The following MYO1D variants were observed in gnomAD, a reference collection of about 807,000 sequenced individuals.
MYO1D encodes myosin ID, also known as unconventional myosin-Id.
Under a neutral mutation model 122.0 loss-of-function variants are expected in MYO1D, and 83 were observed. The ratio of observed to expected loss-of-function variants is 0.68; its 90% CI spans 0.57 to 0.82. The LOEUF (loss-of-function observed/expected upper bound fraction) is 0.82. Among genes scored for constraint, MYO1D ranks in the 40% least tolerant of loss-of-function variants. MYO1D has a pLI of 0.00. For synonymous variants in MYO1D, 464 were observed against 446.9 expected, an observed-to-expected ratio of 1.04 and a Z score of -0.48; for missense variants, 1,157 against 1,269.5, an observed-to-expected ratio of 0.91 and a Z score of 1.35.
chr17:32,656,393 C>T (rs557801981), intron 17 of MYO1D, among the ~76,000 whole-genome samples: 11 of 139,962 alleles, frequency 7.9e-5, no homozygotes, highest in East Asian at 3.0e-4. Flanking sequence ...GATGGGGAAG[C>T]GGCTCACTCA....
At chr17:32,591,645 A>C (rs2087439590) in intron 21 of MYO1D, among the ~76,000 whole-genome samples, 1 of 151,042 alleles carries the variant, frequency 6.6e-6, no homozygotes, top group South Asian at 2.1e-4. Context: ...TCAAAAACAC[A>C]AATCTTTGGT....
intron 14 of MYO1D, among the ~76,000 whole-genome samples, chr17:32,723,028 G>A (rs542322179): frequency 5.3e-5 from 8 of 152,110 alleles, no homozygotes; most frequent in Admixed American, 4.6e-4. Context: ...GTGATGAAAC[G>A]CTGATAAAAC....
At chr17:32,810,647 T>C (rs1318038492) in intron 1 of MYO1D, among the ~76,000 whole-genome samples, 1 of 152,092 alleles carries the variant, frequency 6.6e-6, no homozygotes, top group East Asian at 1.9e-4. Flanking sequence ...CGGCTAATTT[T>C]TATATTTTTA....
intron 3 of MYO1D, 50 bp downstream of exon 3, chr17:32,778,430 A>T (rs1376579071): frequency 6.4e-7 from 1 of 1,557,168 alleles, no homozygotes; most frequent in South Asian, 1.1e-5. Flanking sequence ...CCAAGTCCAT[A>T]GAGAAAACAG....
At position 32,615,520 on chromosome 17, in the gene MYO1D, G is replaced by A. The variant is rs111857678; in HGVS notation, c.2710-10279C>T. 9.9e-3 allele frequency among the ~76,000 whole-genome samples: 1,501 copies of A among 152,300 alleles called. 13 individuals are homozygous for A. Among genetic ancestry groups the A allele is most frequent in the Non-Finnish European group, 0.016 (1,086 of 68,022 alleles). On this transcript the variant is annotated intron_variant, in intron 20 of 21. Transcript: ENST00000318217. The stretch of plus-strand genomic sequence containing the variant: ...GAGGACCTTAATAAAGAATGGTTCT[G>A]CTCTCATGTAAAATTTAGAGGAAAC...
At chr17:32,581,137 A>G (rs2087335070) in intron 21 of MYO1D, among the ~76,000 whole-genome samples, 3 of 152,188 alleles carry the variant, frequency 2.0e-5, no homozygotes, top group Non-Finnish European at 4.4e-5. Flanking sequence ...ACATAGAGCT[A>G]TTCAGGTTAT....
At chr17:32,622,587 T>C (rs72815025) in intron 20 of MYO1D, among the ~76,000 whole-genome samples, 8,738 of 152,178 alleles carry the variant, frequency 0.057, 366 homozygotes, top group East Asian at 0.2. Context: ...AAGTTATATT[T>C]GGGCAGAGGC....
intron 20 of MYO1D, among the ~76,000 whole-genome samples, chr17:32,611,266 A>T (rs571025222): frequency 6.6e-5 from 10 of 152,376 alleles, no homozygotes; most frequent in African/African-American, 1.7e-4. Context: ...TATTAGAAAG[A>T]GAAATAATTC....
intron 21 of MYO1D, among the ~76,000 whole-genome samples, chr17:32,506,885 G>GT (rs1487057278): frequency 6.6e-6 from 1 of 152,224 alleles, no homozygotes; most frequent in African/African-American, 2.4e-5. Flanking sequence ...GGAGGGTGAG[G>GT]TGGGAGGGTC....
intron 1 of MYO1D, among the ~76,000 whole-genome samples, chr17:32,866,154 C>T (rs1017783218): frequency 1.3e-5 from 2 of 152,156 alleles, no homozygotes; most frequent in Non-Finnish European, 2.9e-5. Context: ...GTAGCTGGGA[C>T]CACAGGCATG....
At chr17:32,565,831 C>T (rs759239332) in intron 21 of MYO1D, among the ~76,000 whole-genome samples, 2 of 152,120 alleles carry the variant, frequency 1.3e-5, no homozygotes, top group African/African-American at 2.4e-5. Flanking sequence ...AGTGATTCTC[C>T]TGCCTCAGCC....
chr17:32,700,684 C>G lies in MYO1D; in HGVS notation c.2121+11304G>C, dbSNP rs2089236282. Among the ~76,000 whole-genome samples, 4 of 152,146 alleles carry G rather than the reference C, an allele frequency of 2.6e-5. No individual in the cohort carries two copies. In the South Asian group the frequency reaches 6.2e-4, roughly 24 times the overall value. ...ATGGGCTGGGCACGGTGGCTTACAC[C>G]TGTAATCCCAGCATTTTGGGAGGCC... On this transcript the variant is annotated intron_variant, in intron 16 of 21. Transcript: ENST00000318217.
chr17:32,819,484 G>A (rs1055626), intron 1 of MYO1D, among the ~76,000 whole-genome samples: 5,461 of 152,194 alleles, frequency 0.036, 321 homozygotes, highest in African/African-American at 0.12. Flanking sequence ...CTGACTTGCT[G>A]TGGCCTCCTC....
chr17:32,615,739 C>T (rs1276128716), intron 20 of MYO1D, among the ~76,000 whole-genome samples: 5 of 152,186 alleles, frequency 3.3e-5, no homozygotes, highest in East Asian at 1.9e-4. Flanking sequence ...ACAGACTAAA[C>T]GAGGCTCTAA....
chr17:32,864,007 C>CTTTTCTTTTTTT lies in MYO1D; in HGVS notation c.95+12770_95+12771insAAAAAAAGAAAA, dbSNP rs2091100932. Reference sequence around the variant, plus strand: ...TAATTTTGGTTACAAACATTTCTTCCTTTTTTTTTTTTTTTTTTTTTTTTT... The same window carrying CTTTTCTTTTTTT: ...TAATTTTGGTTACAAACATTTCTTCCTTTTCTTTTTTTTTTTTTTTTTTTTTTTTTTTTTTTT... On this transcript the variant is annotated intron_variant, in intron 1 of 21. Transcript: ENST00000318217. Among the ~76,000 whole-genome samples, 3 of 48,978 alleles carry CTTTTCTTTTTTT rather than the reference C, an allele frequency of 6.1e-5. 1 individual carries two copies. Among genetic ancestry groups the CTTTTCTTTTTTT allele is most frequent in the African/African-American group, 3.1e-4 (3 of 9,626 alleles). The allele number at this position is 48,978 out of a possible 152,430, so 32.1% of individuals were successfully genotyped here.
At chr17:32,678,382 A>C (rs1366744419) in intron 16 of MYO1D, among the ~76,000 whole-genome samples, 1 of 149,816 alleles carries the variant, frequency 6.7e-6, no homozygotes, top group Non-Finnish European at 1.5e-5. Flanking sequence ...AGCATTAGGT[A>C]TATCTCCCGA....
At position 32,876,856 on chromosome 17, in the gene MYO1D, C is replaced by A. The variant is rs757187939; in HGVS notation, c.17G>T (p.Ser6Ile). 4.0e-6 allele frequency: 6 copies of A among 1,501,500 alleles called. No homozygotes were observed. The highest frequency in any genetic ancestry group is 1.5e-5 in the African/African-American group (1 of 68,770). 93.0% of individuals were successfully genotyped at this position (1,501,500 alleles called of 1,614,324 possible). A position where few individuals can be genotyped will look rare whatever the true frequency, so the allele number is the denominator to read the frequency against. The change falls in exon 1 of 22, where the codon AGC becomes ATC. Residue 6 changes from serine (S) to isoleucine (I), a missense_variant. Coordinates refer to ENST00000318217, the MANE Select transcript of MYO1D (RefSeq NM_015194.3). ...GAAGTCTGCCTTGCCGAATTCCAGG[C>A]TCTCCTGCTCCGCCATGGCGCCAGC... MAEQE[S>I]LEFGKADFVL...
chr17:32,853,042 T>C (rs897763143), intron 1 of MYO1D, among the ~76,000 whole-genome samples: 2 of 152,214 alleles, frequency 1.3e-5, no homozygotes, highest in Non-Finnish European at 2.9e-5. Context: ...GCAAGAACAA[T>C]AGCCTCAGCC....
intron 19 of MYO1D, among the ~76,000 whole-genome samples, chr17:32,644,417 A>G (rs1355405711): frequency 6.6e-6 from 1 of 152,130 alleles, no homozygotes; most frequent in African/African-American, 2.4e-5. Context: ...AGTTCTGTAG[A>G]TGTCTATTAG....
Sources: gnomAD v4.1 joint callset for allele counts (sites outside exome capture counted in the v4.1 genomes callset) on GRCh38, gnomAD v4.1.1 for gene constraint, MANE v1.5 for transcripts, NCBI Gene and HGNC (gene_info 2026-07-23, HGNC 2026-07-21) for gene names.